The following RMDN2 variants were observed in gnomAD, a reference collection of about 807,000 sequenced individuals.
The protein encoded by RMDN2 is regulator of microtubule dynamics protein 2.
RMDN2 carries 61 observed loss-of-function variants against 52.8 expected under a neutral mutation model. The ratio of observed to expected loss-of-function variants is 1.16; its 90% CI spans 0.94 to 1.43. The LOEUF is 1.43. Among genes scored for constraint, RMDN2 ranks in the 40% most tolerant of loss-of-function variants. The pLI, the probability that RMDN2 is intolerant of heterozygous loss-of-function variation, is 0.00. For missense variants in RMDN2, 592 were observed against 475.3 expected (o/e 1.25, Z -2.28); for synonymous variants, 180 against 153.1 (o/e 1.18, Z -1.30).
intron 5 of RMDN2, among the ~76,000 whole-genome samples, chr2:37,982,079 A>C (rs574138912): frequency 2.0e-5 from 3 of 152,220 alleles, no homozygotes; most frequent in African/African-American, 7.2e-5. Context: ...CTTCAGCCCT[A>C]AGTTTCCAGA....
At chr2:38,014,112 C>T (rs143318145) in intron 10 of RMDN2, among the ~76,000 whole-genome samples, 3 of 151,794 alleles carry the variant, frequency 2.0e-5, no homozygotes, top group Admixed American at 6.6e-5. Flanking sequence ...CTAGGGAGGC[C>T]GAGGCAGGAG....
chr2:38,014,018 G>A lies in RMDN2; in HGVS notation c.1180-3168G>A, dbSNP rs145370740. 1.7e-3 allele frequency among the ~76,000 whole-genome samples: 252 copies of A among 152,090 alleles called. 1 individual carries two copies. The highest frequency in any genetic ancestry group is 5.8e-3 in the African/African-American group (241 of 41,514). On this transcript the variant is annotated intron_variant, in intron 10 of 10. Coordinates refer to ENST00000354545, the MANE Select transcript of RMDN2 (RefSeq NM_001170791.3). ...GGTCGGGAGTTCGAGACCAGCCTGA[G>A]CAACATGGAGAAACCCCATCTTTAC...
rs1222890902 is a variant in RMDN2, at chr2:38,051,651, C to G, written c.1714-15331C>G. On this transcript the variant is annotated intron_variant, in intron 10 of 10. Coordinates refer to the RMDN2 transcript ENST00000234195. ...CTTCTGTCTAGCTGTATGTTTGTAC[C>G]CATTAACCAACCTCTCTTCATCCTC... Among the ~76,000 whole-genome samples the G allele has an allele frequency of 2.6e-5, 4 of 152,128 alleles. No individual in the cohort carries two copies. The East Asian group carries it at 7.7e-4, about 29-fold the overall frequency.
chr2:37,938,153 C>T (rs190575525), intron 2 of RMDN2, among the ~76,000 whole-genome samples: 1 of 152,142 alleles, frequency 6.6e-6, no homozygotes, highest in East Asian at 1.9e-4. Flanking sequence ...TTGAGATAAT[C>T]GTGTGTTTTT....
intron 10 of RMDN2, among the ~76,000 whole-genome samples, chr2:38,050,539 A>T (rs777182160): frequency 6.6e-6 from 1 of 152,098 alleles, no homozygotes; most frequent in Non-Finnish European, 1.5e-5. Flanking sequence ...CCAGACTGGG[A>T]TGCAATATAG....
chr2:38,038,900 G>T (rs188322410), intron 10 of RMDN2, among the ~76,000 whole-genome samples: 1 of 152,016 alleles, frequency 6.6e-6, no homozygotes, highest in African/African-American at 2.4e-5. Flanking sequence ...TTCAGCACTC[G>T]GAGGGCCAGG....
At chr2:38,035,116 A>C (rs1219858430) in intron 10 of RMDN2, among the ~76,000 whole-genome samples, 1 of 152,186 alleles carries the variant, frequency 6.6e-6, no homozygotes, top group Non-Finnish European at 1.5e-5. Context: ...CGAACTACAA[A>C]ACATTCTTCA....
At chr2:38,007,222 A>G (rs1025121489) in intron 10 of RMDN2, among the ~76,000 whole-genome samples, 1 of 152,144 alleles carries the variant, frequency 6.6e-6, no homozygotes, top group African/African-American at 2.4e-5. Flanking sequence ...GGCCTCATAA[A>G]ATGAGTTAGG....
intron 2 of RMDN2, among the ~76,000 whole-genome samples, chr2:37,932,214 C>A (rs2124896190): frequency 6.7e-6 from 1 of 149,510 alleles, no homozygotes; most frequent in African/African-American, 2.4e-5. Context: ...CTGCGGCCTT[C>A]CGCAGTGTTT....
upstream of RMDN2, among the ~76,000 whole-genome samples, chr2:37,921,867 A>C (rs574122764): frequency 5.9e-5 from 9 of 152,210 alleles, no homozygotes; most frequent in Non-Finnish European, 1.2e-4. Flanking sequence ...AAATGGAATA[A>C]GATAATTCAT....
At chr2:38,056,777 A>G (rs759367328) in intron 10 of RMDN2, among the ~76,000 whole-genome samples, 1 of 152,230 alleles carries the variant, frequency 6.6e-6, no homozygotes, top group Non-Finnish European at 1.5e-5. Context: ...AGGAAGAAGA[A>G]CTTAATTAAG....
rs763187680 is a variant in RMDN2, at chr2:37,989,613, C to T, written c.864C>T (p.Phe288=). Residue 288 remains phenylalanine (F), a synonymous_variant, in exon 6 of 11, where the codon TTC becomes TTT. Transcript: ENST00000354545. Reference sequence around the variant, plus strand: ...ACAAAATCAACTATGGGCACCTCTTCAAGGTATTTCTTTTTTTTTTTTCAT... The same window carrying T: ...ACAAAATCAACTATGGGCACCTCTTTAAGGTATTTCTTTTTTTTTTTTCAT... ...LQNKINYGHL[F]KEHLDIAIKL... 34 of 1,576,686 alleles carry T rather than the reference C, an allele frequency of 2.2e-5. No individual in the cohort carries two copies. In the South Asian group the frequency reaches 3.4e-4, roughly 16 times the overall value.
At chr2:38,002,545 T>C (rs1365151015) in intron 8 of RMDN2, among the ~76,000 whole-genome samples, 1 of 152,230 alleles carries the variant, frequency 6.6e-6, no homozygotes, top group East Asian at 1.9e-4. Context: ...GTATTTGTGT[T>C]TTTCTAGCTT....
chr2:37,925,370 C>T lies in RMDN2; in HGVS notation c.-72C>T, dbSNP rs1429370350. ...CTACTGTCCGTCCGCCACTGCGCGC[C>T]AGCAGGTCCTGGTCTCCGCTCTCCA... On this transcript the variant is annotated 5_prime_UTR_variant, in exon 1 of 11. Transcript: ENST00000354545. The T allele has an allele frequency of 6.6e-6, 1 of 152,346 alleles. No homozygotes were observed. Among genetic ancestry groups the T allele is most frequent in the Non-Finnish European group, 1.5e-5 (1 of 68,154 alleles). The allele number at this position is 152,346 out of a possible 1,614,324, so 9.4% of individuals were successfully genotyped here.
At chr2:37,934,272 G>A (rs539651017) in intron 2 of RMDN2, among the ~76,000 whole-genome samples, 45 of 152,306 alleles carry the variant, frequency 3.0e-4, no homozygotes, top group African/African-American at 1.1e-3. Context: ...GTAGATCAGT[G>A]GAACATGTTT....
At chr2:37,925,688 G>C (rs952204185) in intron 1 of RMDN2, among the ~76,000 whole-genome samples, 1 of 152,174 alleles carries the variant, frequency 6.6e-6, no homozygotes, top group Non-Finnish European at 1.5e-5. Flanking sequence ...GTATTTCCTC[G>C]CACGCGGACC....
intron 10 of RMDN2, among the ~76,000 whole-genome samples, chr2:38,034,831 T>TC (rs1558576028): frequency 6.1e-5 from 1 of 16,284 alleles, no homozygotes; most frequent in Non-Finnish European, 9.6e-5. Flanking sequence ...TAAAATTTAA[T>TC]AAGTAGAAAT....
chr2:38,002,867 C>T (rs535779516), intron 8 of RMDN2: 2 of 152,212 alleles, frequency 1.3e-5, no homozygotes, highest in African/African-American at 4.8e-5. Context: ...TGTTCTACCC[C>T]CCTCTAGGGT....
At chr2:37,934,541 T>C (rs1667128409) in intron 2 of RMDN2, among the ~76,000 whole-genome samples, 1 of 152,128 alleles carries the variant, frequency 6.6e-6, no homozygotes, top group African/African-American at 2.4e-5. Flanking sequence ...TTTATTTATT[T>C]ATATTTTATT....
Sources: gnomAD v4.1 joint callset for allele counts (sites outside exome capture counted in the v4.1 genomes callset) on GRCh38, gnomAD v4.1.1 for gene constraint, MANE v1.5 for transcripts, NCBI Gene and HGNC (gene_info 2026-07-23, HGNC 2026-07-21) for gene names.